The following CNTN5 variants were observed in gnomAD, a reference collection of about 807,000 sequenced individuals.
CNTN5 encodes contactin-5.
CNTN5 carries 77 observed loss-of-function variants against 129.1 expected under a neutral mutation model. The observed-to-expected ratio is 0.60, with a 90% CI of 0.50 to 0.72. The LOEUF (loss-of-function observed/expected upper bound fraction) is 0.72, where lower values mean the gene tolerates loss of function less well. CNTN5 is among the 30% of genes least tolerant of loss of function. The probability of loss-of-function intolerance (pLI) is 0.00; values close to 1 mark genes in which losing one functional copy is unlikely to be tolerated. For missense variants in CNTN5, 1,478 were observed against 1,328.8 expected (o/e 1.11, Z -1.75); for synonymous variants, 509 against 465.6 (o/e 1.09, Z -1.20).
chr11:100,302,060 A>G (rs1385736572), intron 20 of CNTN5, among the ~76,000 whole-genome samples: 1 of 151,510 alleles, frequency 6.6e-6, no homozygotes, highest in Non-Finnish European at 1.5e-5. Context: ...AATAATAATA[A>G]TAAGTGGATT....
At chr11:99,911,432 G>T (rs1453886860) in intron 6 of CNTN5, among the ~76,000 whole-genome samples, 1 of 151,836 alleles carries the variant, frequency 6.6e-6, no homozygotes, top group African/African-American at 2.4e-5. Flanking sequence ...GGAAACATAA[G>T]TCCAGGAGAC....
chr11:99,980,413 C>G (rs1254765531), intron 8 of CNTN5, among the ~76,000 whole-genome samples: 1 of 152,138 alleles, frequency 6.6e-6, no homozygotes, highest in Non-Finnish European at 1.5e-5. Flanking sequence ...AAATAGATTT[C>G]CAAAGACTTT....
At chr11:99,875,403 G>A (rs1230019004) in intron 6 of CNTN5, among the ~76,000 whole-genome samples, 1 of 152,020 alleles carries the variant, frequency 6.6e-6, no homozygotes, top group East Asian at 1.9e-4. Context: ...TACTTAAAGT[G>A]GAGCAAAATA....
At chr11:99,044,500 A>C (rs1274787318) in intron 1 of CNTN5, among the ~76,000 whole-genome samples, 1 of 152,040 alleles carries the variant, frequency 6.6e-6, no homozygotes, top group African/African-American at 2.4e-5. Flanking sequence ...CACCTCTTCC[A>C]CATCTTCTTT....
chr11:99,259,212 A>G (rs902202153), intron 1 of CNTN5, among the ~76,000 whole-genome samples: 22 of 151,930 alleles, frequency 1.4e-4, no homozygotes, highest in Admixed American at 2.0e-4. Flanking sequence ...CTGAATTTAA[A>G]CAAATACGAT....
In CNTN5 at chr11:100,028,417, T is replaced by C. The variant is rs183201482; in HGVS notation, c.980+26281T>C. ...GAAAGTAGGAATAACAATTCCTACA[T>C]CATAGAGTTACTATTAGATTTCTCC... is the stretch of plus-strand genomic sequence containing the variant. On this transcript the variant is annotated intron_variant, in intron 9 of 24. Coordinates refer to ENST00000524871, the MANE Select transcript of CNTN5 (RefSeq NM_014361.4). Among the ~76,000 whole-genome samples the C allele has an allele frequency of 5.9e-5, 9 of 152,332 alleles. No homozygotes were observed. In the East Asian group the frequency reaches 1.7e-3, roughly 29 times the overall value.
intron 10 of CNTN5, 38 bp from the exon 11 acceptor site, chr11:100,070,386 A>G: frequency 6.4e-7 from 1 of 1,570,776 alleles, no homozygotes; most frequent in South Asian, 1.2e-5. Context: ...GCGTTTGAGA[A>G]ATGAAATCAT....
intron 2 of CNTN5, among the ~76,000 whole-genome samples, chr11:99,542,945 G>T (rs1183432513): frequency 2.0e-5 from 3 of 152,188 alleles, no homozygotes; most frequent in East Asian, 1.9e-4. Context: ...TTAGAGCAAG[G>T]TATCTTCAAG....
At chr11:99,479,019 T>C (rs1945487766) in intron 2 of CNTN5, among the ~76,000 whole-genome samples, 2 of 152,084 alleles carry the variant, frequency 1.3e-5, no homozygotes, top group South Asian at 4.2e-4. Flanking sequence ...AGAAATAAAA[T>C]AGACCCCATT....
chr11:99,985,933 C>T (rs945747319), intron 8 of CNTN5, among the ~76,000 whole-genome samples: 3 of 152,172 alleles, frequency 2.0e-5, no homozygotes, highest in African/African-American at 7.2e-5. Flanking sequence ...TCTTAGCCAC[C>T]CTTTCCTGTG....
chr11:99,138,020 T>G (rs1859321842), intron 1 of CNTN5, among the ~76,000 whole-genome samples: 1 of 152,142 alleles, frequency 6.6e-6, no homozygotes, highest in Non-Finnish European at 1.5e-5. Flanking sequence ...TACATTAGAG[T>G]TAACAATTTT....
intron 1 of CNTN5, among the ~76,000 whole-genome samples, chr11:99,209,573 G>A (rs970764181): frequency 1.3e-5 from 2 of 152,184 alleles, no homozygotes; most frequent in African/African-American, 2.4e-5. Flanking sequence ...CTTCCACTAG[G>A]CCTCACTTCC....
At chr11:99,651,901 A>AAAAAAAGT (rs1952171291) in intron 3 of CNTN5, among the ~76,000 whole-genome samples, 1 of 152,042 alleles carries the variant, frequency 6.6e-6, no homozygotes, top group Non-Finnish European at 1.5e-5. Flanking sequence ...AAAGATTTGA[A>AAAAAAAGT]AAAAAAGTTC....
chr11:99,429,663 C>G (rs2135097161), intron 2 of CNTN5, among the ~76,000 whole-genome samples: 2 of 152,052 alleles, frequency 1.3e-5, no homozygotes, highest in Middle Eastern at 3.4e-3. Flanking sequence ...AATTTAGGCT[C>G]TATCTTTTAA....
intron 1 of CNTN5, among the ~76,000 whole-genome samples, chr11:99,024,489 A>C (rs7946770): frequency 0.29 from 44,697 of 152,028 alleles, 8,225 homozygotes; most frequent in East Asian, 0.56. Context: ...ATCCCAAGAA[A>C]TTGACACAAC....
intron 1 of CNTN5, among the ~76,000 whole-genome samples, chr11:99,244,007 A>G (rs998955814): frequency 1.3e-5 from 2 of 152,046 alleles, no homozygotes; most frequent in African/African-American, 4.8e-5. Context: ...GAAAAATGAA[A>G]TTGGTAGTTT....
At chr11:99,792,088 ATT>A (rs1460909010) in intron 3 of CNTN5, among the ~76,000 whole-genome samples, 1 of 151,522 alleles carries the variant, frequency 6.6e-6, no homozygotes, top group Non-Finnish European at 1.5e-5. Context: ...TGCGTTTTTT[ATT>A]TTTTTCTCTT....
intron 1 of CNTN5, among the ~76,000 whole-genome samples, chr11:99,240,950 T>C (rs1466366969): frequency 6.6e-6 from 1 of 152,190 alleles, no homozygotes; most frequent in Non-Finnish European, 1.5e-5. Flanking sequence ...ATAATAAATG[T>C]AAGATATACA....
At chr11:99,103,125 T>C (rs940725900) in intron 1 of CNTN5, among the ~76,000 whole-genome samples, 1 of 152,086 alleles carries the variant, frequency 6.6e-6, no homozygotes, top group East Asian at 1.9e-4. Context: ...GAGACCAGTA[T>C]GGGGAAAACC....
Sources: allele counts gnomAD v4.1 joint callset (sites outside exome capture counted in the v4.1 genomes callset), GRCh38; gene constraint gnomAD v4.1.1; transcripts MANE v1.5; gene names NCBI Gene and HGNC (gene_info 2026-07-23, HGNC 2026-07-21).